AP3S1: variants seen among roughly 807,000 people sequenced by gnomAD.
AP3S1 encodes adaptor related protein complex 3 subunit sigma 1, also known as AP-3 complex subunit sigma-1.
In AP3S1, 12 loss-of-function variants were observed where a neutral mutation model predicts 21.3. The observed-to-expected ratio is 0.56, with a 90% CI of 0.36 to 0.91. The LOEUF is 0.91. AP3S1 is among the 40% of genes least tolerant of loss of function. The pLI is 0.01. For synonymous variants in AP3S1, 48 were observed against 78.4 expected (o/e 0.61, Z 2.05); for missense variants, 116 against 225.0 (o/e 0.52, Z 3.10).
At chr5:115,848,590 A>G (rs1251655462) in intron 1 of AP3S1, among the ~76,000 whole-genome samples, 4 of 152,178 alleles carry the variant, frequency 2.6e-5, no homozygotes, top group Non-Finnish European at 5.9e-5. Context: ...CTGAAAGGAA[A>G]TCTTTGCTAA....
intron 2 of AP3S1, among the ~76,000 whole-genome samples, chr5:115,869,296 TA>T (rs1314932545): frequency 6.6e-6 from 1 of 152,198 alleles, no homozygotes; most frequent in Non-Finnish European, 1.5e-5. Flanking sequence ...ATCTTGACGG[TA>T]AATCTATCCA....
chr5:115,907,113 A>G (rs1235427249), intron 5 of AP3S1: 4 of 656,874 alleles, frequency 6.1e-6, no homozygotes, highest in Non-Finnish European at 7.5e-6. Context: ...AGGAAAGTTT[A>G]AATTTTTTTT....
intron 2 of AP3S1, 80 bp from the exon 3 acceptor site, chr5:115,869,937 A>G (rs1748075770): frequency 1.2e-6 from 1 of 859,790 alleles, no homozygotes; most frequent in Admixed American, 2.9e-5. Flanking sequence ...TGGTTTTTAA[A>G]CAAATTGTCA....
intron 1 of AP3S1, 89 bp downstream of exon 1, chr5:115,842,195 C>T (rs1761630637): frequency 2.7e-6 from 4 of 1,466,072 alleles, no homozygotes; most frequent in Admixed American, 4.7e-5. Flanking sequence ...CGACCCCCTC[C>T]GGCGCGCTGC....
intron 3 of AP3S1, among the ~76,000 whole-genome samples, chr5:115,889,258 A>G (rs148571218): frequency 4.0e-4 from 61 of 152,338 alleles, no homozygotes; most frequent in Non-Finnish European, 4.7e-4. Context: ...TTAAAAAAGT[A>G]TGACTGCAAC....
chr5:115,846,554 C>G (rs796288543), intron 1 of AP3S1, among the ~76,000 whole-genome samples: 3 of 145,580 alleles, frequency 2.1e-5, no homozygotes, highest in African/African-American at 7.6e-5. Flanking sequence ...TCTTCTTTCT[C>G]GTTTTTTTTT....
intron 3 of AP3S1, among the ~76,000 whole-genome samples, chr5:115,892,466 G>T (rs1750392637): frequency 6.6e-6 from 1 of 152,170 alleles, no homozygotes; most frequent in Non-Finnish European, 1.5e-5. Flanking sequence ...ACACAATGGA[G>T]TACGAGCAAA....
chr5:115,899,129 CT>C (rs1251792152), intron 4 of AP3S1, among the ~76,000 whole-genome samples: 1 of 152,186 alleles, frequency 6.6e-6, no homozygotes, highest in Non-Finnish European at 1.5e-5. Flanking sequence ...GATCGGAGGC[CT>C]GTGTCTTTCA....
intron 1 of AP3S1, among the ~76,000 whole-genome samples, chr5:115,859,660 G>A (rs1436342356): frequency 6.6e-6 from 1 of 152,210 alleles, no homozygotes; most frequent in Non-Finnish European, 1.5e-5. Flanking sequence ...CTAAATTCAA[G>A]GGAGGGTGAA....
chr5:115,887,179 C>T (rs1749862194), intron 3 of AP3S1, among the ~76,000 whole-genome samples: 1 of 152,146 alleles, frequency 6.6e-6, no homozygotes, highest in Admixed American at 6.5e-5. Flanking sequence ...TCTGCTGGTA[C>T]ATTCAATATT....
intron 3 of AP3S1, among the ~76,000 whole-genome samples, chr5:115,892,951 C>A (rs972917682): frequency 6.6e-6 from 1 of 152,070 alleles, no homozygotes; most frequent in Non-Finnish European, 1.5e-5. Context: ...CTATTGTATA[C>A]CCACAGAAAT....
intron 1 of AP3S1, among the ~76,000 whole-genome samples, chr5:115,847,845 C>T (rs571401625): frequency 6.6e-6 from 1 of 152,114 alleles, no homozygotes; most frequent in East Asian, 1.9e-4. Flanking sequence ...GGAATAGTTC[C>T]TTGTAATATG....
intron 1 of AP3S1, among the ~76,000 whole-genome samples, chr5:115,846,380 A>T (rs1762065122): frequency 6.6e-6 from 1 of 152,202 alleles, no homozygotes; most frequent in East Asian, 1.9e-4. Flanking sequence ...TTCAGATATA[A>T]AATACTGTGT....
chr5:115,868,188 G>A (rs1223626697), intron 2 of AP3S1, among the ~76,000 whole-genome samples: 1 of 152,150 alleles, frequency 6.6e-6, no homozygotes, highest in Non-Finnish European at 1.5e-5. Context: ...ATATGTACTT[G>A]CCGCATTAAT....
chr5:115,900,592 A>G (rs1162436932), intron 4 of AP3S1, among the ~76,000 whole-genome samples: 1 of 152,238 alleles, frequency 6.6e-6, no homozygotes, highest in Non-Finnish European at 1.5e-5. Flanking sequence ...GCTCATGATT[A>G]TGAAGTTGCT....
chr5:115,860,178 T>C (rs974453517), intron 1 of AP3S1, among the ~76,000 whole-genome samples: 3 of 152,212 alleles, frequency 2.0e-5, no homozygotes, highest in Non-Finnish European at 4.4e-5. Context: ...AGTATATCTG[T>C]GATTCTTTTT....
At chr5:115,891,363 A>G (rs1456673246) in intron 3 of AP3S1, among the ~76,000 whole-genome samples, 2 of 152,078 alleles carry the variant, frequency 1.3e-5, no homozygotes, top group Non-Finnish European at 2.9e-5. Flanking sequence ...TGCTGACAGT[A>G]TCTACGTGGG....
At chr5:115,911,647 G>C (rs568848957) in intron 5 of AP3S1, among the ~76,000 whole-genome samples, 1 of 152,088 alleles carries the variant, frequency 6.6e-6, no homozygotes, top group Admixed American at 6.5e-5. Flanking sequence ...CTTTGAATTG[G>C]ATTCTTCTTT....
chr5:115,858,403 C>T (rs1762941557), intron 1 of AP3S1, among the ~76,000 whole-genome samples: 1 of 152,128 alleles, frequency 6.6e-6, no homozygotes, highest in Non-Finnish European at 1.5e-5. Context: ...TGATTACTTA[C>T]CTTTGATGTG....
Sources: gnomAD v4.1 joint callset for allele counts (sites outside exome capture counted in the v4.1 genomes callset) on GRCh38, gnomAD v4.1.1 for gene constraint, MANE v1.5 for transcripts, NCBI Gene and HGNC (gene_info 2026-07-23, HGNC 2026-07-21) for gene names.